TCF4: variants seen among roughly 807,000 people sequenced by gnomAD.
The protein encoded by TCF4 is SL3-3 enhancer factor 2.
Under a neutral mutation model 82.1 loss-of-function variants are expected in TCF4, and 3 were observed. The observed-to-expected ratio is 0.04, with a 90% CI of 0.02 to 0.09. The LOEUF (loss-of-function observed/expected upper bound fraction) is 0.09. TCF4 is among the 10% of genes least tolerant of loss of function. The probability of loss-of-function intolerance (pLI) is 1.00; values close to 1 mark genes in which losing one functional copy is unlikely to be tolerated. For missense variants in TCF4, 518 were observed against 852.7 expected (o/e 0.61, Z 4.89); for synonymous variants, 276 against 309.6 (o/e 0.89, Z 1.14).
chr18:55,244,301 A>G (rs2145089606), intron 15 of TCF4, among the ~76,000 whole-genome samples: 1 of 152,296 alleles, frequency 6.6e-6, no homozygotes, highest in East Asian at 1.9e-4. Context: ...TGGAAGATAT[A>G]GTCAGTTATG....
chr18:55,390,092 T>C (rs890500759), intron 6 of TCF4, among the ~76,000 whole-genome samples: 2 of 152,014 alleles, frequency 1.3e-5, no homozygotes, highest in South Asian at 2.1e-4. Context: ...AATTTGGTAA[T>C]TGCCAAATTT....
chr18:55,588,565 G>A, upstream of TCF4: 1 of 1,527,626 alleles, frequency 6.5e-7, no homozygotes, highest in Non-Finnish European at 8.8e-7. Flanking sequence ...ATTTATTCGA[G>A]TTTACATCCC....
At chr18:55,635,927 A>C (rs1005744566) in exon 1 of TCF4, 1 of 1,577,708 alleles carries the variant, frequency 6.3e-7, no homozygotes, top group Non-Finnish European at 8.6e-7. Flanking sequence ...CATAAGTGCC[A>C]ATCTACAAGA....
At chr18:55,406,126 CTTTT>C (rs34522468) in intron 5 of TCF4, among the ~76,000 whole-genome samples, 24 of 116,064 alleles carry the variant, frequency 2.1e-4, no homozygotes, top group African/African-American at 6.8e-4. Context: ...GGGAGGTGGA[CTTTT>C]TTTTTTTTTT....
chr18:55,499,948 T>G (rs1237738199), intron 3 of TCF4, among the ~76,000 whole-genome samples: 2 of 152,084 alleles, frequency 1.3e-5, no homozygotes, highest in East Asian at 3.9e-4. Flanking sequence ...TTTGGGAGGC[T>G]GAGGCAGGCG....
At chr18:55,570,279 T>C (rs1419973617) in intron 3 of TCF4, among the ~76,000 whole-genome samples, 2 of 152,154 alleles carry the variant, frequency 1.3e-5, no homozygotes, top group African/African-American at 2.4e-5. Context: ...AGAGAATATA[T>C]GTACAACCTT....
intron 5 of TCF4, among the ~76,000 whole-genome samples, chr18:55,427,251 C>A (rs1035175544): frequency 6.6e-6 from 1 of 152,076 alleles, no homozygotes; most frequent in Non-Finnish European, 1.5e-5. Flanking sequence ...AGAAGAGGTA[C>A]TGGATGAGGG....
At chr18:55,579,760 G>T (rs981770025) in intron 3 of TCF4, among the ~76,000 whole-genome samples, 1 of 151,990 alleles carries the variant, frequency 6.6e-6, no homozygotes, top group African/African-American at 2.4e-5. Flanking sequence ...GGACGAGGTT[G>T]CAAACTTCCA....
chr18:55,309,159 C>A (rs2071385564), intron 8 of TCF4, among the ~76,000 whole-genome samples: 1 of 152,050 alleles, frequency 6.6e-6, no homozygotes, highest in Non-Finnish European at 1.5e-5. Flanking sequence ...GCTGCCCAGG[C>A]TGGAGCACAG....
rs183640170 is a variant in TCF4, at chr18:55,616,443, T to C, written c.286+14855A>G. Among the ~76,000 whole-genome samples, 143 of 152,228 alleles carry C rather than the reference T, an allele frequency of 9.4e-4. 1 individual carries two copies. Among genetic ancestry groups the C allele is most frequent in the Admixed American group, 3.1e-3 (47 of 15,294 alleles). On this transcript the variant is annotated intron_variant, in intron 2 of 20. Transcript: ENST00000398339. ...CAATAAACAGGAGATTGAATATCAA[T>C]TTGAGATCCTGATTTCAGTTCTTTT...
intron 3 of TCF4, among the ~76,000 whole-genome samples, chr18:55,575,017 C>G (rs1169621985): frequency 6.6e-6 from 1 of 152,186 alleles, no homozygotes. Flanking sequence ...TGGACTATCT[C>G]TCATCTTATC....
chr18:55,468,833 C>T (rs1471158496), intron 3 of TCF4, among the ~76,000 whole-genome samples: 2 of 149,402 alleles, frequency 1.3e-5, no homozygotes, highest in Admixed American at 6.7e-5. Flanking sequence ...AACATAGTGA[C>T]AAATGAAAAA....
At chr18:55,299,434 G>T (rs1007414150) in intron 8 of TCF4, among the ~76,000 whole-genome samples, 1 of 151,280 alleles carries the variant, frequency 6.6e-6, no homozygotes, top group Non-Finnish European at 1.5e-5. Context: ...AAGCTTTCTT[G>T]GGGGAGCATG....
At chr18:55,473,208 C>T (rs960123736) in intron 3 of TCF4, among the ~76,000 whole-genome samples, 5 of 151,954 alleles carry the variant, frequency 3.3e-5, no homozygotes, top group Admixed American at 1.3e-4. Context: ...TTTCCTGATA[C>T]CTCTTTTCTC....
chr18:55,224,971 T>C lies in TCF4; in HGVS notation c.*3064A>G, dbSNP rs1380599811. 6.6e-6 allele frequency: 1 copy of C among 152,186 alleles called. No homozygotes were observed. The highest frequency in any genetic ancestry group is 2.4e-5 in the African/African-American group (1 of 41,440). 9.4% of individuals were successfully genotyped at this position (152,186 alleles called of 1,614,324 possible). ...TATAGTACTTTAATCTTAACTGTCTTCTGCTGAACTTCATTTGAAAATCCA... is the reference window on the plus strand; with the variant it reads ...TATAGTACTTTAATCTTAACTGTCTCCTGCTGAACTTCATTTGAAAATCCA... On this transcript the variant is annotated 3_prime_UTR_variant, in exon 20 of 20. Transcript: ENST00000354452.
At chr18:55,439,730 T>A (rs2095403022) in intron 5 of TCF4, among the ~76,000 whole-genome samples, 1 of 152,190 alleles carries the variant, frequency 6.6e-6, no homozygotes, top group African/African-American at 2.4e-5. Context: ...CATTTTTCTT[T>A]TTTCTTTTTT....
intron 8 of TCF4, among the ~76,000 whole-genome samples, chr18:55,297,837 A>G (rs1257955192): frequency 6.6e-6 from 1 of 152,138 alleles, no homozygotes; most frequent in Admixed American, 6.5e-5. Flanking sequence ...GTATCCCTAC[A>G]TTGAAACTTT....
At chr18:55,389,153 C>A (rs977801747) in intron 6 of TCF4, among the ~76,000 whole-genome samples, 4 of 151,982 alleles carry the variant, frequency 2.6e-5, no homozygotes, top group African/African-American at 9.7e-5. Context: ...ATAAATCCAG[C>A]CTCAGGGGTC....
chr18:55,579,984 A>G (rs1346128082), intron 3 of TCF4, among the ~76,000 whole-genome samples: 1 of 152,004 alleles, frequency 6.6e-6, no homozygotes, highest in Non-Finnish European at 1.5e-5. Flanking sequence ...GTTCTATTAT[A>G]TATGTTTATG....
Sources: allele counts gnomAD v4.1 joint callset (sites outside exome capture counted in the v4.1 genomes callset), GRCh38; gene constraint gnomAD v4.1.1; transcripts MANE v1.5; gene names NCBI Gene and HGNC (gene_info 2026-07-23, HGNC 2026-07-21).